NARS2: variants seen among roughly 807,000 people sequenced by gnomAD.
NARS2 encodes the protein asparaginyl-tRNA synthetase.
A neutral mutation model predicts 62.9 loss-of-function variants in NARS2; 60 were observed. The ratio of observed to expected loss-of-function variants is 0.95; its 90% CI spans 0.77 to 1.18. The LOEUF (loss-of-function observed/expected upper bound fraction) is 1.18, where lower values mean the gene tolerates loss of function less well. NARS2 is among the 50% of genes most tolerant of loss of function. The pLI is 0.00. For missense variants in NARS2, 619 were observed against 576.4 expected (o/e 1.07, Z -0.76); for synonymous variants, 196 against 200.0 (o/e 0.98, Z 0.17).
chr11:78,478,363 A>G, intron 9 of NARS2, 75 bp downstream of exon 9: 1 of 615,142 alleles, frequency 1.6e-6, no homozygotes, highest in Non-Finnish European at 2.4e-6. Context: ...GCAGATATAA[A>G]TTTAAAAAAT....
chr11:78,562,974 G>C (rs536814064), intron 4 of NARS2, among the ~76,000 whole-genome samples: 26 of 151,946 alleles, frequency 1.7e-4, no homozygotes, highest in South Asian at 1.2e-3. Context: ...CAAAATACTA[G>C]GTAACATATA....
At chr11:78,439,680 T>C (rs1381367902) in intron 13 of NARS2, among the ~76,000 whole-genome samples, 1 of 152,108 alleles carries the variant, frequency 6.6e-6, no homozygotes, top group African/African-American at 2.4e-5. Context: ...GAAGCCAATT[T>C]TAGATTTTTT....
chr11:78,462,192 T>C (rs1355280767), intron 11 of NARS2, among the ~76,000 whole-genome samples: 1 of 152,122 alleles, frequency 6.6e-6, no homozygotes, highest in Non-Finnish European at 1.5e-5. Context: ...ATGGTGTGTG[T>C]GTTGGAGGGG....
intron 11 of NARS2, among the ~76,000 whole-genome samples, chr11:78,465,359 G>C: frequency 6.6e-6 from 1 of 152,266 alleles, no homozygotes; most frequent in Non-Finnish European, 1.5e-5. Flanking sequence ...CCACAGTGCA[G>C]TGGCAGGCTG....
At chr11:78,568,974 G>C (rs1307187101) in intron 2 of NARS2, among the ~76,000 whole-genome samples, 1 of 152,108 alleles carries the variant, frequency 6.6e-6, no homozygotes, top group Non-Finnish European at 1.5e-5. Context: ...TTAAGAATTT[G>C]TATAATTAAT....
At chr11:78,452,937 T>C (rs1437420969) in intron 11 of NARS2, among the ~76,000 whole-genome samples, 2 of 152,190 alleles carry the variant, frequency 1.3e-5, no homozygotes, top group Non-Finnish European at 2.9e-5. Context: ...AGTTTATCTG[T>C]AGGTCTGGCG....
chr11:78,527,818 T>A (rs1462164276), intron 6 of NARS2, among the ~76,000 whole-genome samples: 1 of 152,154 alleles, frequency 6.6e-6, no homozygotes, highest in Non-Finnish European at 1.5e-5. Context: ...ATTAACAAAT[T>A]ACCCCCAGAG....
chr11:78,507,847 G>C (rs1037644393), intron 6 of NARS2, among the ~76,000 whole-genome samples: 19 of 142,044 alleles, frequency 1.3e-4, no homozygotes, highest in African/African-American at 4.9e-4. Context: ...AAAATCACAA[G>C]GCATATAAAG....
At position 78,447,689 on chromosome 11, in the gene NARS2, C is replaced by T. The variant is rs184242928; in HGVS notation, c.1165-3931G>A. ...GCCTTAAGAAGGGGGTAAATCCAGT[C>T]ACTTGTGACACATGGATGAATCCAG... On this transcript the variant is annotated intron_variant, in intron 11 of 13. Transcript: ENST00000281038. Among the ~76,000 whole-genome samples, 509 of 152,236 alleles carry T rather than the reference C, an allele frequency of 3.3e-3. 3 individuals carry two copies. The highest frequency in any genetic ancestry group is 7.7e-3 in the Admixed American group (118 of 15,294).
At chr11:78,570,209 T>C (rs1229075742) in intron 2 of NARS2, among the ~76,000 whole-genome samples, 1 of 152,110 alleles carries the variant, frequency 6.6e-6, no homozygotes, top group Non-Finnish European at 1.5e-5. Context: ...AAAGTTACTA[T>C]TACATCAGAA....
chr11:78,440,327 G>A (rs1430678135), intron 13 of NARS2, among the ~76,000 whole-genome samples: 1 of 152,082 alleles, frequency 6.6e-6, no homozygotes, highest in East Asian at 1.9e-4. Context: ...GCCTCCCAAA[G>A]TGCTGGGATT....
chr11:78,468,310 G>GA (rs764254167), intron 10 of NARS2, among the ~76,000 whole-genome samples: 4,087 of 67,226 alleles, frequency 0.061, 148 homozygotes, highest in African/African-American at 0.12. Flanking sequence ...CACTAAATCT[G>GA]AAAAAAAAAA....
At chr11:78,503,997 C>T (rs754778319) in intron 6 of NARS2, among the ~76,000 whole-genome samples, 31 of 152,244 alleles carry the variant, frequency 2.0e-4, no homozygotes, top group African/African-American at 6.0e-4. Flanking sequence ...CTATTTGAAC[C>T]GTTATCTCCA....
chr11:78,547,501 A>C lies in NARS2; in HGVS notation c.594+12038T>G, dbSNP rs1458370169. 2.0e-5 allele frequency among the ~76,000 whole-genome samples: 3 copies of C among 152,098 alleles called. No homozygotes were observed. The East Asian group carries it at 5.8e-4, about 29-fold the overall frequency. ...AACAGCACATACTTTTAAAAGAATG[A>C]GGCAGAAGCAGTAAGAGGTACTGAT... On this transcript the variant is annotated intron_variant, in intron 5 of 13. Coordinates refer to ENST00000281038, the MANE Select transcript of NARS2 (RefSeq NM_024678.6).
At chr11:78,523,636 G>A (rs1419806409) in intron 6 of NARS2, among the ~76,000 whole-genome samples, 1 of 152,160 alleles carries the variant, frequency 6.6e-6, no homozygotes, top group Non-Finnish European at 1.5e-5. Context: ...GGAATAAAAA[G>A]GAATGAAGTA....
intron 6 of NARS2, among the ~76,000 whole-genome samples, chr11:78,513,001 G>A (rs929206906): frequency 6.6e-6 from 1 of 152,182 alleles, no homozygotes; most frequent in Non-Finnish European, 1.5e-5. Flanking sequence ...TGAAATCTCA[G>A]TAGTTTGGGA....
intron 5 of NARS2, among the ~76,000 whole-genome samples, chr11:78,531,415 T>C (rs1349154795): frequency 6.6e-6 from 1 of 152,100 alleles, no homozygotes; most frequent in Non-Finnish European, 1.5e-5. Flanking sequence ...AAATGTACAA[T>C]AAGGGGTTGC....
At chr11:78,563,702 G>A (rs1846663078) in intron 4 of NARS2, among the ~76,000 whole-genome samples, 7 of 147,572 alleles carry the variant, frequency 4.7e-5, no homozygotes, top group South Asian at 4.5e-4. Context: ...GTGGTGGCAC[G>A]CACCTGTAGT....
At chr11:78,525,822 T>A (rs1464018859) in intron 6 of NARS2, among the ~76,000 whole-genome samples, 3 of 152,164 alleles carry the variant, frequency 2.0e-5, no homozygotes, top group African/African-American at 7.2e-5. Context: ...AACATCATCA[T>A]ATGGATATCA....
Sources: gnomAD v4.1 joint callset for allele counts (sites outside exome capture counted in the v4.1 genomes callset) on GRCh38, gnomAD v4.1.1 for gene constraint, MANE v1.5 for transcripts, NCBI Gene and HGNC (gene_info 2026-07-23, HGNC 2026-07-21) for gene names.